Variants in NRF1 observed in about 807,000 individuals in gnomAD.
NRF1 encodes nuclear respiratory factor 1, also known as alpha palindromic-binding protein.
Under a neutral mutation model 58.5 loss-of-function variants are expected in NRF1, and 5 were observed. The observed-to-expected ratio is 0.09, with a 90% CI of 0.04 to 0.18. The LOEUF is 0.18. Among genes scored for constraint, NRF1 ranks in the 10% least tolerant of loss-of-function variants. The pLI is 1.00. For synonymous variants in NRF1, 224 were observed against 246.7 expected (o/e 0.91, Z 0.86); for missense variants, 288 against 657.7 (o/e 0.44, Z 6.15).
At chr7:129,697,916 A>G (rs1243392697) in intron 5 of NRF1, among the ~76,000 whole-genome samples, 1 of 151,956 alleles carries the variant, frequency 6.6e-6, no homozygotes, top group Non-Finnish European at 1.5e-5. Flanking sequence ...TTGTATTTTT[A>G]GTAGAGAAGG....
intron 9 of NRF1, among the ~76,000 whole-genome samples, chr7:129,719,296 C>A (rs1390330693): frequency 6.6e-6 from 1 of 152,092 alleles, no homozygotes; most frequent in African/African-American, 2.4e-5. Context: ...CCACACACGG[C>A]TAAGTTTGTA....
At chr7:129,667,165 A>T (rs11760589) in intron 2 of NRF1, among the ~76,000 whole-genome samples, 1 of 152,094 alleles carries the variant, frequency 6.6e-6, no homozygotes, top group African/African-American at 2.4e-5. Flanking sequence ...AGATATTGCT[A>T]AATGTCTTTC....
chr7:129,703,945 C>G (rs566998118), intron 5 of NRF1, among the ~76,000 whole-genome samples: 3 of 152,224 alleles, frequency 2.0e-5, no homozygotes, highest in East Asian at 3.9e-4. Context: ...AGATTTCTAG[C>G]AAATAAATCA....
intron 10 of NRF1, chr7:129,735,067 C>T (rs1803674052): frequency 1.0e-6 from 1 of 985,440 alleles, no homozygotes; most frequent in South Asian, 4.7e-5. Flanking sequence ...TTCCACTTGG[C>T]TCTGCCTACA....
At chr7:129,708,215 A>G (rs1196727340) in intron 5 of NRF1, among the ~76,000 whole-genome samples, 2 of 152,200 alleles carry the variant, frequency 1.3e-5, no homozygotes, top group Non-Finnish European at 2.9e-5. Context: ...TCATAAATTG[A>G]TAAACTGCTT....
intron 1 of NRF1, among the ~76,000 whole-genome samples, chr7:129,624,231 T>C (rs1423112498): frequency 6.6e-6 from 1 of 152,148 alleles, no homozygotes; most frequent in Non-Finnish European, 1.5e-5. Flanking sequence ...TCTCCCTCTT[T>C]TTTGCGTTTT....
chr7:129,730,724 C>G (rs1444955990), intron 10 of NRF1, among the ~76,000 whole-genome samples: 1 of 152,052 alleles, frequency 6.6e-6, no homozygotes, highest in Non-Finnish European at 1.5e-5. Flanking sequence ...GCCTGTAATC[C>G]CAGCACTTTG....
At chr7:129,646,445 AAG>A (rs888929281) in intron 1 of NRF1, among the ~76,000 whole-genome samples, 2 of 152,194 alleles carry the variant, frequency 1.3e-5, no homozygotes, top group Admixed American at 6.5e-5. Context: ...TACAAGATGA[AAG>A]AGCACAAAAG....
chr7:129,690,662 A>T, intron 5 of NRF1, 116 bp downstream of exon 5: 1 of 1,108,846 alleles, frequency 9.0e-7, no homozygotes, highest in Non-Finnish European at 1.3e-6. Context: ...TGAGATGCTG[A>T]CTGGAGTCTT....
intron 9 of NRF1, among the ~76,000 whole-genome samples, chr7:129,719,612 A>G (rs577199962): frequency 2.3e-4 from 35 of 151,790 alleles, no homozygotes; most frequent in South Asian, 6.2e-4. Flanking sequence ...CCATTGAGCC[A>G]TGTTGCTCTT....
chr7:129,738,214 G>T (rs1034661212), intron 10 of NRF1, among the ~76,000 whole-genome samples: 1 of 152,214 alleles, frequency 6.6e-6, no homozygotes, highest in Non-Finnish European at 1.5e-5. Context: ...TTTAAATAGA[G>T]GGGGAGGAGG....
intron 1 of NRF1, among the ~76,000 whole-genome samples, chr7:129,643,621 C>T (rs1370861510): frequency 6.6e-6 from 1 of 152,224 alleles, no homozygotes; most frequent in Admixed American, 6.5e-5. Flanking sequence ...GCTTTAACAA[C>T]TCACCTGCTT....
chr7:129,693,776 T>A (rs531864614), intron 5 of NRF1, among the ~76,000 whole-genome samples: 1 of 152,342 alleles, frequency 6.6e-6, no homozygotes, highest in Middle Eastern at 3.4e-3. Flanking sequence ...ATGTGAAGAA[T>A]CTACTCTGTC....
chr7:129,632,995 G>A (rs950089166), intron 1 of NRF1, among the ~76,000 whole-genome samples: 20 of 134,448 alleles, frequency 1.5e-4, no homozygotes, highest in Admixed American at 8.5e-4. Context: ...ACATAAAATT[G>A]CAAAACAGCT....
intron 1 of NRF1, among the ~76,000 whole-genome samples, chr7:129,625,301 A>T (rs1203516205): frequency 2.0e-5 from 3 of 152,104 alleles, no homozygotes; most frequent in Non-Finnish European, 4.4e-5. Context: ...ATCTCTAAGG[A>T]CGCTTTCTTC....
chr7:129,621,357 T>C (rs1010323736), intron 1 of NRF1, among the ~76,000 whole-genome samples: 4 of 152,212 alleles, frequency 2.6e-5, no homozygotes, highest in Non-Finnish European at 5.9e-5. Flanking sequence ...TGAATAAATA[T>C]GTTGGGTAAT....
chr7:129,625,884 A>T (rs150534075), intron 1 of NRF1, among the ~76,000 whole-genome samples: 3 of 151,992 alleles, frequency 2.0e-5, no homozygotes, highest in South Asian at 4.1e-4. Context: ...GGGTTTCACC[A>T]TGTTAGCCAG....
chr7:129,714,908 G>C (rs936249168), intron 8 of NRF1, among the ~76,000 whole-genome samples: 1 of 152,162 alleles, frequency 6.6e-6, no homozygotes, highest in Admixed American at 6.5e-5. Flanking sequence ...CTAGGCCCCA[G>C]CAATGTGAAG....
At chr7:129,754,025 C>T (rs1006808370) in intron 10 of NRF1, among the ~76,000 whole-genome samples, 2 of 151,952 alleles carry the variant, frequency 1.3e-5, no homozygotes, top group East Asian at 1.9e-4. Flanking sequence ...GAAGACAGGC[C>T]GGGGACATTC....
Sources: allele counts gnomAD v4.1 joint callset (sites outside exome capture counted in the v4.1 genomes callset), GRCh38; gene constraint gnomAD v4.1.1; transcripts MANE v1.5; gene names NCBI Gene and HGNC (gene_info 2026-07-23, HGNC 2026-07-21).